Variants in WHR1 observed in about 807,000 individuals in gnomAD.
WHR1 encodes winged helix repair factor 1, also known as MHC class III HLA-RP1.
chr6:31,973,101 T>G, the WHR1 span: 33 of 539,454 alleles, frequency 6.1e-5, 1 homozygote, highest in Admixed American at 9.3e-5. Context: ...GAGAATATCA[T>G]AGAGAGAGGG....
the WHR1 span, among the ~76,000 whole-genome samples, chr6:31,974,010 G>T: frequency 6.6e-6 from 1 of 152,152 alleles, no homozygotes; most frequent in African/African-American, 2.4e-5. Flanking sequence ...AGAGGCCGGC[G>T]CGGTGGCTCA....
At chr6:31,971,463 G>A in the WHR1 span, 1 of 1,613,954 alleles carries the variant, frequency 6.2e-7, no homozygotes, top group African/African-American at 1.3e-5. This position sits in a 1 kb window ranked among gnomAD's most constrained non-coding sequence, Gnocchi z 4.5. Context: ...TGGGGGGTGG[G>A]CTATAGTAGC....
chr6:31,971,774 G>A, the WHR1 span: 2 of 1,387,386 alleles, frequency 1.4e-6, no homozygotes, highest in East Asian at 4.9e-5. This position sits in a 1 kb window ranked among gnomAD's most constrained non-coding sequence, Gnocchi z 4.5. Context: ...CTGATCGCCA[G>A]GCTCTGGCCT....
At chr6:31,977,756 G>C in the WHR1 span, among the ~76,000 whole-genome samples, 1 of 151,838 alleles carries the variant, frequency 6.6e-6, no homozygotes, top group African/African-American at 2.4e-5. Context: ...CAAAGTGCTG[G>C]GATTACAGGC....
chr6:31,972,885 G>C, the WHR1 span: 1 of 1,468,796 alleles, frequency 6.8e-7, no homozygotes, highest in Non-Finnish European at 9.3e-7. This position sits in a 1 kb window ranked among gnomAD's most constrained non-coding sequence, Gnocchi z 6.3. Context: ...GCCAGGCACT[G>C]GGGTGCCACA....
chr6:31,974,586 A>C, the WHR1 span, among the ~76,000 whole-genome samples: 1 of 152,102 alleles, frequency 6.6e-6, no homozygotes, highest in Non-Finnish European at 1.5e-5. Flanking sequence ...CTACTAAATA[A>C]ATAAATTAAA....
At chr6:31,972,552 A>T in the WHR1 span, 4 of 1,595,724 alleles carry the variant, frequency 2.5e-6, no homozygotes, top group South Asian at 4.4e-5. The surrounding 1 kb of genome is among the most constrained non-coding windows in gnomAD (Gnocchi z 6.3). Flanking sequence ...CGCTTCCGGT[A>T]GCCGAGAGTT....
chr6:31,978,768 C>T, the WHR1 span: 5 of 701,790 alleles, frequency 7.1e-6, no homozygotes, highest in African/African-American at 7.2e-5. Flanking sequence ...ATTATTTTCT[C>T]ACACAGTTTT....
chr6:31,978,270 G>A, the WHR1 span, among the ~76,000 whole-genome samples: 1 of 151,978 alleles, frequency 6.6e-6, no homozygotes, highest in East Asian at 1.9e-4. Context: ...AGGACCATAG[G>A]TGTCTGCCCC....
the WHR1 span, among the ~76,000 whole-genome samples, chr6:31,977,079 TTC>T: frequency 6.6e-6 from 1 of 152,248 alleles, no homozygotes; most frequent in Non-Finnish European, 1.5e-5. Flanking sequence ...TTTGTTTTTA[TTC>T]TCTCTTTGAG....
the WHR1 span, chr6:31,971,883 G>A: frequency 1.4e-6 from 2 of 1,471,074 alleles, no homozygotes; most frequent in Non-Finnish European, 1.8e-6. This position sits in a 1 kb window ranked among gnomAD's most constrained non-coding sequence, Gnocchi z 4.5. Flanking sequence ...TCCAAATGCA[G>A]TGAGGTTAGG....
At chr6:31,972,295 G>C in the WHR1 span, 13 of 1,612,996 alleles carry the variant, frequency 8.1e-6, no homozygotes, top group Non-Finnish European at 1.1e-5. The surrounding 1 kb of genome is among the most constrained non-coding windows in gnomAD (Gnocchi z 6.3). Flanking sequence ...GTCATCACCT[G>C]GTCTAGGAGG....
chr6:31,971,469 G>A, the WHR1 span: 1 of 1,614,148 alleles, frequency 6.2e-7, no homozygotes, highest in South Asian at 1.1e-5. This position sits in a 1 kb window ranked among gnomAD's most constrained non-coding sequence, Gnocchi z 4.5. Flanking sequence ...GTGGGCTATA[G>A]TAGCGCAGGG....
the WHR1 span, chr6:31,971,991 C>G: frequency 6.3e-7 from 1 of 1,596,212 alleles, no homozygotes; most frequent in Non-Finnish European, 8.6e-7. The surrounding 1 kb of genome is among the most constrained non-coding windows in gnomAD (Gnocchi z 4.5). Flanking sequence ...CGCCAGAGGC[C>G]GAAGGATGCA....
At chr6:31,980,223 G>T in the WHR1 span, 1 of 511,514 alleles carries the variant, frequency 2.0e-6, no homozygotes. Context: ...AGCAGGAAAA[G>T]AAAAAGTGGA....
chr6:31,978,790 G>C, the WHR1 span: 1 of 883,892 alleles, frequency 1.1e-6, no homozygotes, highest in Non-Finnish European at 1.7e-6. Flanking sequence ...CCTTTACTAA[G>C]AGAAAATGCC....
chr6:31,978,986 C>T, the WHR1 span: 4 of 1,612,172 alleles, frequency 2.5e-6, no homozygotes, highest in Admixed American at 3.3e-5. Context: ...TCACTGAGGA[C>T]TACAGGACCA....
chr6:31,972,627 C>A, the WHR1 span: 3 of 1,607,864 alleles, frequency 1.9e-6, no homozygotes, highest in Non-Finnish European at 2.6e-6. This position sits in a 1 kb window ranked among gnomAD's most constrained non-coding sequence, Gnocchi z 6.3. Flanking sequence ...CCAGGGTCGG[C>A]GCGCGCGGCT....
the WHR1 span, among the ~76,000 whole-genome samples, chr6:31,975,571 T>A: frequency 6.6e-6 from 1 of 151,824 alleles, no homozygotes; most frequent in Admixed American, 6.6e-5. Flanking sequence ...CTGACTCAGA[T>A]GATCTGCCTG....
Sources: gnomAD v4.1 joint callset for allele counts (sites outside exome capture counted in the v4.1 genomes callset) on GRCh38, gnomAD v4.1.1 for gene constraint, Gnocchi (gnomAD v3.1) non-coding constraint, MANE v1.5 for transcripts, NCBI Gene and HGNC (gene_info 2026-07-23, HGNC 2026-07-21) for gene names.